Variants in PCDH15 observed in about 807,000 individuals in gnomAD.
PCDH15 encodes the protein protocadherin related 15.
In PCDH15, 129 loss-of-function variants were observed where a neutral mutation model predicts 178.5. That is an observed-to-expected ratio of 0.72 (90% confidence interval 0.63 to 0.84). The LOEUF (loss-of-function observed/expected upper bound fraction) is 0.84, where lower values mean the gene tolerates loss of function less well. PCDH15 is among the 40% of genes least tolerant of loss of function. The pLI is 0.00. For missense variants in PCDH15, 2,230 were observed against 2,099.9 expected, an observed-to-expected ratio of 1.06 and a Z score of -1.21; for synonymous variants, 800 against 732.0, an observed-to-expected ratio of 1.09 and a Z score of -1.50.
chr10:54,122,234 A>T (rs757722436), intron 15 of PCDH15, among the ~76,000 whole-genome samples: 1 of 152,092 alleles, frequency 6.6e-6, no homozygotes, highest in Non-Finnish European at 1.5e-5. Flanking sequence ...AGTAAATGTG[A>T]TCCGATCACA....
chr10:54,704,722 GGTGGGAAT>G (rs2095348387), intron 1 of PCDH15, among the ~76,000 whole-genome samples: 1 of 152,224 alleles, frequency 6.6e-6, no homozygotes, highest in African/African-American at 2.4e-5. Context: ...ATACCTTGCT[GGTGGGAAT>G]GTAAGTTGAT....
At chr10:55,280,825 A>G (rs1166444303) in intron 1 of PCDH15, among the ~76,000 whole-genome samples, 3 of 152,140 alleles carry the variant, frequency 2.0e-5, no homozygotes, top group Non-Finnish European at 4.4e-5. Context: ...TTCTGCTTCA[A>G]CTCAATATTA....
chr10:55,392,630 A>G (rs1837823041), intron 2 of PCDH15, among the ~76,000 whole-genome samples: 2 of 152,298 alleles, frequency 1.3e-5, no homozygotes, highest in South Asian at 4.1e-4. Context: ...TTTAATTTAC[A>G]TATGAGCAGA....
chr10:54,603,959 C>A (rs1050608065), intron 2 of PCDH15, among the ~76,000 whole-genome samples: 1 of 151,996 alleles, frequency 6.6e-6, no homozygotes, highest in Non-Finnish European at 1.5e-5. Context: ...CTATATCTCA[C>A]AACTGTTGGT....
intron 29 of PCDH15, among the ~76,000 whole-genome samples, chr10:53,834,872 A>C (rs1051028169): frequency 9.2e-5 from 14 of 152,188 alleles, no homozygotes; most frequent in African/African-American, 3.4e-4. Context: ...GTACATATGA[A>C]TGTAGAAATA....
intron 9 of PCDH15, among the ~76,000 whole-genome samples, chr10:54,233,687 T>C (rs1591328789): frequency 6.6e-6 from 1 of 152,202 alleles, no homozygotes; most frequent in African/African-American, 2.4e-5. Context: ...AGTTACTGCA[T>C]TTGCAGAGTT....
intron 3 of PCDH15, among the ~76,000 whole-genome samples, chr10:54,878,931 A>G (rs1014648828): frequency 6.6e-6 from 1 of 152,160 alleles, no homozygotes; most frequent in African/African-American, 2.4e-5. Flanking sequence ...GTTTGGTTGA[A>G]ATTATTTATT....
chr10:55,201,971 G>C (rs540958678), intron 1 of PCDH15, among the ~76,000 whole-genome samples: 1 of 151,922 alleles, frequency 6.6e-6, no homozygotes, highest in Non-Finnish European at 1.5e-5. Context: ...GAAAATTCTG[G>C]GATAAACTGC....
At chr10:54,071,050 C>T (rs2094232243) in intron 17 of PCDH15, among the ~76,000 whole-genome samples, 2 of 152,114 alleles carry the variant, frequency 1.3e-5, no homozygotes, top group Admixed American at 6.6e-5. Flanking sequence ...TATTTATTCT[C>T]TTCTAGTATT....
intron 1 of PCDH15, among the ~76,000 whole-genome samples, chr10:55,229,973 C>T (rs16907126): frequency 0.16 from 23,933 of 151,874 alleles, 2,088 homozygotes; most frequent in East Asian, 0.27. Flanking sequence ...TGTTGAACAA[C>T]TGAACAATAG....
intron 1 of PCDH15, among the ~76,000 whole-genome samples, chr10:54,675,601 G>A (rs1374002979): frequency 6.6e-6 from 1 of 150,982 alleles, no homozygotes; most frequent in Non-Finnish European, 1.5e-5. Context: ...CTAAGAATTT[G>A]TTCCTCATGT....
intron 2 of PCDH15, among the ~76,000 whole-genome samples, chr10:55,409,109 T>C (rs1042785018): frequency 3.3e-5 from 5 of 150,222 alleles, no homozygotes; most frequent in South Asian, 2.1e-4. Context: ...GTGTGTTCAA[T>C]AGATCAGTGA....
rs144598879 is a variant in PCDH15, at chr10:54,628,977, T to TAC, written c.91+35193_91+35194dup. Among the ~76,000 whole-genome samples, 656 of 151,780 alleles carry TAC rather than the reference T, an allele frequency of 4.3e-3. 3 individuals are homozygous for TAC. Among genetic ancestry groups the TAC allele is most frequent in the African/African-American group, 0.015 (629 of 41,410 alleles). ...AAAGAGAAGCTCAAACAGGAAAGAATACACACACACACACAATTTTTTTGG... is the reference window on the plus strand; with the variant it reads ...AAAGAGAAGCTCAAACAGGAAAGAATACACACACACACACACAATTTTTTTGG... On this transcript the variant is annotated intron_variant, in intron 2 of 37. Coordinates refer to ENST00000644397, the MANE Select transcript of PCDH15 (RefSeq NM_001384140.1).
At chr10:54,099,720 T>C (rs1299285608) in intron 15 of PCDH15, among the ~76,000 whole-genome samples, 2 of 151,726 alleles carry the variant, frequency 1.3e-5, no homozygotes, top group African/African-American at 4.8e-5. Context: ...TTATAAACAA[T>C]ATATGTACTG....
intron 2 of PCDH15, among the ~76,000 whole-genome samples, chr10:55,405,193 A>G (rs1279101248): frequency 6.6e-6 from 1 of 150,858 alleles, no homozygotes; most frequent in African/African-American, 2.4e-5. Flanking sequence ...ATAGAGCGAT[A>G]TATATCTCAT....
At chr10:54,293,659 C>G (rs369404376) in intron 8 of PCDH15, among the ~76,000 whole-genome samples, 1 of 152,232 alleles carries the variant, frequency 6.6e-6, no homozygotes, top group South Asian at 2.1e-4. Context: ...TGGTCAAAGG[C>G]TATGAACAGA....
intron 2 of PCDH15, among the ~76,000 whole-genome samples, chr10:54,532,037 C>T (rs1428991835): frequency 2.0e-5 from 3 of 152,114 alleles, no homozygotes; most frequent in Non-Finnish European, 2.9e-5. Flanking sequence ...AAAAACTTGT[C>T]ATATCCACTC....
intron 3 of PCDH15, among the ~76,000 whole-genome samples, chr10:54,429,275 T>C (rs1242185561): frequency 6.6e-6 from 1 of 152,134 alleles, no homozygotes; most frequent in Admixed American, 6.5e-5. Context: ...TCTGAAATAA[T>C]GGTTTGTAAG....
At chr10:55,478,400 G>GA (rs1840105618) in intron 2 of PCDH15, among the ~76,000 whole-genome samples, 2 of 151,456 alleles carry the variant, frequency 1.3e-5, no homozygotes, top group African/African-American at 4.8e-5. Flanking sequence ...AAATACTGAT[G>GA]GGTCAATCAA....
Sources: allele counts gnomAD v4.1 joint callset (sites outside exome capture counted in the v4.1 genomes callset), GRCh38; gene constraint gnomAD v4.1.1; transcripts MANE v1.5; gene names NCBI Gene and HGNC (gene_info 2026-07-23, HGNC 2026-07-21).